PDE4D: variants seen among roughly 807,000 people sequenced by gnomAD.
PDE4D encodes the protein 3',5'-cyclic-AMP phosphodiesterase 4D.
A neutral mutation model predicts 87.4 loss-of-function variants in PDE4D; 24 were observed. The ratio of observed to expected loss-of-function variants is 0.27; its 90% confidence interval spans 0.20 to 0.39. The LOEUF (loss-of-function observed/expected upper bound fraction) is 0.39. Ranked by LOEUF, PDE4D falls within the 10% of genes least tolerant of loss-of-function variation. The pLI is 1.00. For missense variants in PDE4D, 714 were observed against 1,041.0 expected, an observed-to-expected ratio of 0.69 and a Z score of 4.32; for synonymous variants, 384 against 383.2, an observed-to-expected ratio of 1.00 and a Z score of -0.02.
Position 59,000,813 on chromosome 5 carries a change from C to T in PDE4D, c.922-7348G>A, listed in dbSNP as rs192353773. On this transcript the variant is annotated intron_variant, in intron 6 of 14. Coordinates refer to ENST00000340635, the MANE Select transcript of PDE4D (RefSeq NM_001104631.2). ...AAGCGATTCTCCTGCCTCAGCCTCC[C>T]GAGAAGCTGGGATTACAGGCGCCCA... Among the ~76,000 whole-genome samples the T allele has an allele frequency of 5.7e-3, 874 of 152,140 alleles. 5 individuals carry two copies. Among genetic ancestry groups the T allele is most frequent in the Non-Finnish European group, 0.01 (690 of 67,980 alleles).
chr5:59,705,134 T>C (rs1753199793), intron 1 of PDE4D, among the ~76,000 whole-genome samples: 1 of 152,184 alleles, frequency 6.6e-6, no homozygotes. Flanking sequence ...GGATTTTTCT[T>C]TTTTTGGAAT....
intron 1 of PDE4D, among the ~76,000 whole-genome samples, chr5:60,292,910 T>C (rs1753019375): frequency 6.6e-6 from 1 of 152,198 alleles, no homozygotes; most frequent in Non-Finnish European, 1.5e-5. Context: ...TCCTCTCTAT[T>C]ATGACATGGT....
At chr5:60,267,673 C>T (rs1750356898) in intron 1 of PDE4D, among the ~76,000 whole-genome samples, 1 of 152,180 alleles carries the variant, frequency 6.6e-6, no homozygotes, top group South Asian at 2.1e-4. Flanking sequence ...ACCTTTTCCA[C>T]AATTCCTCTG....
intron 1 of PDE4D, among the ~76,000 whole-genome samples, chr5:59,682,888 T>C (rs777804655): frequency 6.6e-6 from 1 of 152,132 alleles, no homozygotes; most frequent in Non-Finnish European, 1.5e-5. Flanking sequence ...AAAATATAAA[T>C]GTCATGAAAT....
At chr5:60,201,602 C>A (rs554565954) in intron 1 of PDE4D, among the ~76,000 whole-genome samples, 2 of 152,234 alleles carry the variant, frequency 1.3e-5, no homozygotes, top group South Asian at 4.1e-4. Flanking sequence ...GATCATGAGT[C>A]CCACATTCCC....
intron 1 of PDE4D, among the ~76,000 whole-genome samples, chr5:60,398,543 AG>A (rs1763051666): frequency 6.6e-6 from 1 of 152,132 alleles, no homozygotes; most frequent in Non-Finnish European, 1.5e-5. Flanking sequence ...TAGCTATCGA[AG>A]GGAACCTGGG....
At chr5:59,199,971 T>A (rs183716963) in intron 2 of PDE4D, among the ~76,000 whole-genome samples, 11 of 149,508 alleles carry the variant, frequency 7.4e-5, no homozygotes, top group Non-Finnish European at 1.3e-4. Flanking sequence ...TACAGGCACA[T>A]ACATACATAT....
At chr5:60,345,455 A>T (rs772171827) in intron 1 of PDE4D, among the ~76,000 whole-genome samples, 1 of 151,812 alleles carries the variant, frequency 6.6e-6, no homozygotes, top group Non-Finnish European at 1.5e-5. Flanking sequence ...ATAATAAATA[A>T]ATAAATAAAT....
intron 1 of PDE4D, among the ~76,000 whole-genome samples, chr5:59,876,108 C>A (rs184832744): frequency 1.5e-3 from 227 of 152,310 alleles, no homozygotes; most frequent in Non-Finnish European, 2.7e-3. Flanking sequence ...CACATGTACA[C>A]TGAGCTTAAA....
intron 1 of PDE4D, among the ~76,000 whole-genome samples, chr5:59,669,852 T>C (rs1026941793): frequency 1.3e-5 from 2 of 152,206 alleles, no homozygotes; most frequent in African/African-American, 4.8e-5. Flanking sequence ...AATAAATAAC[T>C]CAAATCTACA....
At chr5:59,232,139 G>A (rs1243626307) in intron 1 of PDE4D, among the ~76,000 whole-genome samples, 1 of 152,004 alleles carries the variant, frequency 6.6e-6, no homozygotes, top group African/African-American at 2.4e-5. Context: ...AGACGTCAAA[G>A]CATTGCAACA....
intron 2 of PDE4D, among the ~76,000 whole-genome samples, chr5:60,041,535 C>T (rs1164265516): frequency 1.3e-5 from 2 of 152,134 alleles, no homozygotes; most frequent in Non-Finnish European, 2.9e-5. Context: ...GGAACAGCTC[C>T]GGTCTGCAGC....
intron 1 of PDE4D, among the ~76,000 whole-genome samples, chr5:59,606,939 G>C (rs867750615): frequency 4.0e-5 from 6 of 151,872 alleles, no homozygotes; most frequent in African/African-American, 9.7e-5. Flanking sequence ...CTTACAGAAG[G>C]GGGGGAAGGG....
At chr5:60,453,469 G>C (rs1561274391) in intron 1 of PDE4D, among the ~76,000 whole-genome samples, 1 of 152,066 alleles carries the variant, frequency 6.6e-6, no homozygotes, top group Non-Finnish European at 1.5e-5. Flanking sequence ...TGTCTTATTA[G>C]CTGTAAATAA....
intron 11 of PDE4D, among the ~76,000 whole-genome samples, chr5:58,985,959 G>C (rs1382099192): frequency 1.3e-5 from 2 of 152,158 alleles, no homozygotes; most frequent in Non-Finnish European, 1.5e-5. Flanking sequence ...CTGGGGCCCG[G>C]AACAACCCTG....
chr5:58,990,315 C>T (rs1309982614), intron 9 of PDE4D, among the ~76,000 whole-genome samples: 9 of 152,146 alleles, frequency 5.9e-5, no homozygotes, highest in African/African-American at 2.2e-4. Flanking sequence ...CCCGAGATAT[C>T]TACAGCAGCC....
chr5:60,337,986 C>T (rs1341374905), intron 1 of PDE4D, among the ~76,000 whole-genome samples: 1 of 152,072 alleles, frequency 6.6e-6, no homozygotes, highest in African/African-American at 2.4e-5. Flanking sequence ...AGATGTTGTA[C>T]TGTACAGAGG....
chr5:59,234,929 G>A (rs560345293), intron 1 of PDE4D, among the ~76,000 whole-genome samples: 53 of 152,122 alleles, frequency 3.5e-4, no homozygotes, highest in Non-Finnish European at 5.6e-4. Flanking sequence ...TGTAGGTATC[G>A]TCTTTGCTTT....
chr5:60,182,881 GAAAAAAAA>G (rs558346227), intron 2 of PDE4D, among the ~76,000 whole-genome samples: 1 of 114,742 alleles, frequency 8.7e-6, no homozygotes, highest in Non-Finnish European at 1.9e-5. Flanking sequence ...CTCCGTCTCA[GAAAAAAAA>G]AAAAAAAAGA....
Sources: allele counts gnomAD v4.1 joint callset (sites outside exome capture counted in the v4.1 genomes callset), GRCh38; gene constraint gnomAD v4.1.1; transcripts MANE v1.5; gene names NCBI Gene and HGNC (gene_info 2026-07-23, HGNC 2026-07-21).